Variants in POU2F1 observed in about 807,000 individuals in gnomAD.
The protein encoded by POU2F1 is POU domain, class 2, transcription factor 1.
A neutral mutation model predicts 84.9 loss-of-function variants in POU2F1; 16 were observed. The observed-to-expected ratio is 0.19, with a 90% confidence interval of 0.13 to 0.29. The LOEUF (loss-of-function observed/expected upper bound fraction) is 0.29, where lower values mean the gene tolerates loss of function less well. Among genes scored for constraint, POU2F1 ranks in the 10% least tolerant of loss-of-function variants. POU2F1 has a pLI of 1.00. For missense variants in POU2F1, 738 were observed against 942.6 expected (o/e 0.78, Z 2.84); for synonymous variants, 368 against 368.3 (o/e 1.00, Z 0.01).
At chr1:167,299,488 G>A (rs1357951698) in intron 1 of POU2F1, among the ~76,000 whole-genome samples, 1 of 152,174 alleles carries the variant, frequency 6.6e-6, no homozygotes, top group Non-Finnish European at 1.5e-5. Flanking sequence ...GAGATTGATT[G>A]TGATTAGTAA....
chr1:167,237,629 A>G (rs1404139191), intron 1 of POU2F1, among the ~76,000 whole-genome samples: 1 of 151,784 alleles, frequency 6.6e-6, no homozygotes, highest in African/African-American at 2.4e-5. Context: ...CTACAAATAC[A>G]TTATTTGGGG....
intron 1 of POU2F1, among the ~76,000 whole-genome samples, 154 bp downstream of exon 1, chr1:167,221,112 C>G (rs967738928): frequency 2.7e-5 from 4 of 150,566 alleles, no homozygotes; most frequent in African/African-American, 9.8e-5. Context: ...CCCCGCCGGG[C>G]GCTGAGCGGA....
chr1:167,243,152 A>AT (rs1176574145), intron 1 of POU2F1, among the ~76,000 whole-genome samples: 1 of 152,180 alleles, frequency 6.6e-6, no homozygotes, highest in Non-Finnish European at 1.5e-5. Context: ...TTGCATGGTA[A>AT]TTAAGAATAC....
Position 167,358,715 on chromosome 1 carries a change from G to GATTTTTTTTTTT in POU2F1, c.128-6752_128-6751insATTTTTTTTTTT, listed in dbSNP as rs1557923742. On this transcript the variant is annotated intron_variant, in intron 2 of 15. Coordinates refer to ENST00000367866, the MANE Select transcript of POU2F1 (RefSeq NM_002697.4). ...ATTCTTAATCTTTTTATTATCTGCA[G>GATTTTTTTTTTT]CTTTTTTTTTTTTTTTTTTTTTGAG... 2.9e-4 allele frequency among the ~76,000 whole-genome samples: 12 copies of GATTTTTTTTTTT among 41,584 alleles called. 1 individual carries two copies. The highest frequency in any genetic ancestry group is 9.6e-4 in the African/African-American group (12 of 12,548). The allele number at this position is 41,584 out of a possible 152,430, so 27.3% of individuals were successfully genotyped here.
At chr1:167,308,398 G>A (rs1038728321) in intron 1 of POU2F1, among the ~76,000 whole-genome samples, 10 of 151,738 alleles carry the variant, frequency 6.6e-5, no homozygotes, top group East Asian at 2.0e-4. Context: ...ACCTTTGATC[G>A]CTTAAGGTGA....
chr1:167,393,574 C>T (rs1381405530), intron 9 of POU2F1, among the ~76,000 whole-genome samples: 1 of 152,110 alleles, frequency 6.6e-6, no homozygotes, highest in African/African-American at 2.4e-5. Context: ...TTATAGCTCA[C>T]TGCAGCCTCA....
chr1:167,315,054 C>T (rs1655789581), intron 1 of POU2F1, among the ~76,000 whole-genome samples: 1 of 152,154 alleles, frequency 6.6e-6, no homozygotes, highest in South Asian at 2.1e-4. Flanking sequence ...CCTGCCTTCA[C>T]TTTCTACCAT....
At chr1:167,360,656 G>T (rs1287803080) in intron 2 of POU2F1, among the ~76,000 whole-genome samples, 1 of 151,966 alleles carries the variant, frequency 6.6e-6, no homozygotes, top group Non-Finnish European at 1.5e-5. Context: ...TTTTGTTTAG[G>T]ATTGCCTTGG....
At chr1:167,412,422 T>A in intron 14 of POU2F1, 118 bp downstream of exon 14, 1 of 945,942 alleles carries the variant, frequency 1.1e-6, no homozygotes, top group Non-Finnish European at 1.5e-6. Context: ...AAAGCAGTAA[T>A]CTCTTTGAAG....
intron 1 of POU2F1, among the ~76,000 whole-genome samples, chr1:167,243,053 G>C (rs995690906): frequency 6.6e-6 from 1 of 151,874 alleles, no homozygotes; most frequent in African/African-American, 2.4e-5. Flanking sequence ...AATTGAGACA[G>C]AATCTACTGT....
chr1:167,293,147 T>C (rs1309863092), intron 1 of POU2F1, among the ~76,000 whole-genome samples: 2 of 152,066 alleles, frequency 1.3e-5, no homozygotes, highest in East Asian at 3.9e-4. Context: ...GTCCTAGAAG[T>C]CCTAGCCAGA....
chr1:167,391,749 G>C lies in POU2F1; in HGVS notation c.987+1988G>C, dbSNP rs528374642. Among the ~76,000 whole-genome samples, 4 of 150,608 alleles carry C rather than the reference G, an allele frequency of 2.7e-5. No homozygotes were observed. In the South Asian group the frequency reaches 8.4e-4, roughly 31 times the overall value. On this transcript the variant is annotated intron_variant, in intron 9 of 15. Coordinates refer to ENST00000367866, the MANE Select transcript of POU2F1 (RefSeq NM_002697.4). ...ACCCGGCTAATTTTTGTAGAGACAA[G>C]GTCTTGTCATGTTGCCCAAGCTGGT...
At chr1:167,275,394 T>G (rs1324262896) in intron 1 of POU2F1, among the ~76,000 whole-genome samples, 1 of 151,784 alleles carries the variant, frequency 6.6e-6, no homozygotes, top group Non-Finnish European at 1.5e-5. Flanking sequence ...TTTTTTTTTT[T>G]GGCTTATTTA....
chr1:167,290,269 C>T (rs1299147680), intron 1 of POU2F1, among the ~76,000 whole-genome samples: 4 of 151,878 alleles, frequency 2.6e-5, no homozygotes, highest in African/African-American at 4.8e-5. Flanking sequence ...TGGTGGTGTG[C>T]GCCTATAGTC....
chr1:167,390,396 A>G (rs1648313918), intron 9 of POU2F1, among the ~76,000 whole-genome samples: 1 of 152,248 alleles, frequency 6.6e-6, no homozygotes, highest in Non-Finnish European at 1.5e-5. Context: ...ATCTGGTGGT[A>G]GACCTCAGTA....
At chr1:167,404,083 G>A (rs1249505724) in intron 13 of POU2F1, among the ~76,000 whole-genome samples, 1 of 151,828 alleles carries the variant, frequency 6.6e-6, no homozygotes, top group Non-Finnish European at 1.5e-5. Context: ...TCACTACAAG[G>A]TTTCAAAGAA....
At chr1:167,386,087 CA>C (rs1647951634) in intron 8 of POU2F1, among the ~76,000 whole-genome samples, 1 of 152,048 alleles carries the variant, frequency 6.6e-6, no homozygotes, top group African/African-American at 2.4e-5. Context: ...AAGGCTATGA[CA>C]AAACCAAGTG....
rs144214489 is a variant in POU2F1 at position 167,232,020 on chromosome 1, A to G, written c.61+11062A>G. Reference sequence around the variant, plus strand: ...CTCCTCCCCCAACACACACACACCAATATCAAAATCTGCACATGCCTCAGT... The same window carrying G: ...CTCCTCCCCCAACACACACACACCAGTATCAAAATCTGCACATGCCTCAGT... On this transcript the variant is annotated intron_variant, in intron 1 of 15. Coordinates refer to ENST00000367866, the MANE Select transcript of POU2F1 (RefSeq NM_002697.4). Among the ~76,000 whole-genome samples, 638 of 152,250 alleles carry G rather than the reference A, an allele frequency of 4.2e-3. 11 individuals are homozygous for G. The highest frequency in any genetic ancestry group is 0.015 in the African/African-American group (617 of 41,534).
At chr1:167,278,119 C>G (rs1420744760) in intron 1 of POU2F1, among the ~76,000 whole-genome samples, 1 of 152,142 alleles carries the variant, frequency 6.6e-6, no homozygotes, top group Non-Finnish European at 1.5e-5. Context: ...CTCCACCTCC[C>G]CTCTTATTTT....
Sources: allele counts gnomAD v4.1 joint callset (sites outside exome capture counted in the v4.1 genomes callset), GRCh38; gene constraint gnomAD v4.1.1; transcripts MANE v1.5; gene names NCBI Gene and HGNC (gene_info 2026-07-23, HGNC 2026-07-21).